PDE4B: variants seen among roughly 807,000 people sequenced by gnomAD.
PDE4B encodes the protein 3',5'-cyclic-AMP phosphodiesterase 4B.
A neutral mutation model predicts 82.2 loss-of-function variants in PDE4B; 20 were observed. That is an observed-to-expected ratio of 0.24 (90% CI 0.17 to 0.35). The LOEUF (loss-of-function observed/expected upper bound fraction) is 0.35, where lower values mean the gene tolerates loss of function less well. Among genes scored for constraint, PDE4B ranks in the 10% least tolerant of loss-of-function variants. PDE4B has a pLI of 1.00. For missense variants in PDE4B, 655 were observed against 907.2 expected (o/e 0.72, Z 3.57); for synonymous variants, 320 against 318.9 (o/e 1.00, Z -0.04).
rs779371206 is a variant in PDE4B at position 66,363,191 on chromosome 1, G to A, written c.1044G>A (p.Trp348Ter). Residue 348 changes from tryptophan (W) to a stop codon, truncating the protein, a stop_gained, in exon 11 of 17, where the codon TGG (tryptophan) becomes TGA (stop). Transcript: ENST00000341517. LOFTEE classifies it high-confidence loss of function. ...AGGAGCTGGAAGACCTGAACAAATG[G>A]GGTCTTAACATCTTTAATGTGGCTG... is the stretch of plus-strand genomic sequence containing the variant. ...LAKELEDLNK[W>*]GLNIFNVAGY... The A allele has an allele frequency of 6.2e-7, 1 of 1,610,838 alleles. No individual in the cohort carries two copies. The highest frequency in any genetic ancestry group is 8.5e-7 in the Non-Finnish European group (1 of 1,177,408).
At chr1:66,087,869 G>GA (rs1657095223) in intron 3 of PDE4B, among the ~76,000 whole-genome samples, 1 of 120,090 alleles carries the variant, frequency 8.3e-6, no homozygotes, top group Non-Finnish European at 1.7e-5. Flanking sequence ...GGACTGTTGT[G>GA]GGGTGGGGGG....
At chr1:66,235,999 T>C (rs1652404092) in intron 3 of PDE4B, among the ~76,000 whole-genome samples, 2 of 152,258 alleles carry the variant, frequency 1.3e-5, no homozygotes. Flanking sequence ...AGCTCAGCTA[T>C]TTGTTACATA....
intron 7 of PDE4B, among the ~76,000 whole-genome samples, chr1:66,330,163 A>G (rs1660005188): frequency 6.6e-6 from 1 of 152,250 alleles, no homozygotes; most frequent in Non-Finnish European, 1.5e-5. Flanking sequence ...GTGATACTCT[A>G]GCCTAACTAA....
intron 3 of PDE4B, among the ~76,000 whole-genome samples, chr1:66,126,097 C>A (rs992822912): frequency 1.3e-5 from 2 of 152,168 alleles, no homozygotes; most frequent in African/African-American, 4.8e-5. Flanking sequence ...TGAGCCACTG[C>A]GCCCACCCAA....
At position 66,267,615 on chromosome 1, in the gene PDE4B, C is replaced by G. The variant is rs1466583180; in HGVS notation, c.634+1528C>G. ...TGGCACAGCAACTACAGCTTGACAA[C>G]TAGGGATTCTTTTGATAAAGTCTTC... On this transcript the variant is annotated intron_variant, in intron 7 of 16. Transcript: ENST00000341517. 2.0e-5 allele frequency: 3 copies of G among 152,092 alleles called. 1 individual carries two copies. Among genetic ancestry groups the G allele is most frequent in the African/African-American group, 4.8e-5 (2 of 41,418 alleles). 9.4% of individuals were successfully genotyped at this position (152,092 alleles called of 1,614,324 possible). A position where few individuals can be genotyped will look rare whatever the true frequency, so the allele number is the denominator to read the frequency against.
At chr1:66,354,485 T>G in intron 8 of PDE4B, 1 of 1,027,508 alleles carries the variant, frequency 9.7e-7, no homozygotes, top group Non-Finnish European at 1.2e-6. Flanking sequence ...TGAGTAGGAC[T>G]AATGTAGAAG....
intron 1 of PDE4B, among the ~76,000 whole-genome samples, chr1:65,840,058 A>C (rs1646189314): frequency 6.6e-6 from 1 of 152,198 alleles, no homozygotes; most frequent in Non-Finnish European, 1.5e-5. Flanking sequence ...TAGTATGTGT[A>C]AATTGCACCA....
intron 3 of PDE4B, among the ~76,000 whole-genome samples, chr1:65,958,255 T>A (rs1281557378): frequency 2.0e-5 from 3 of 152,098 alleles, no homozygotes; most frequent in African/African-American, 7.2e-5. Flanking sequence ...TTTTAAAAAA[T>A]TTATTGATAT....
chr1:66,013,488 G>T (rs1425258251), intron 3 of PDE4B, among the ~76,000 whole-genome samples: 1 of 151,900 alleles, frequency 6.6e-6, no homozygotes, highest in Non-Finnish European at 1.5e-5. Context: ...TTTAAGTGTG[G>T]TGAAACACAA....
chr1:65,933,363 A>T (rs1266613943), intron 3 of PDE4B, among the ~76,000 whole-genome samples: 2 of 152,068 alleles, frequency 1.3e-5, no homozygotes, highest in Non-Finnish European at 1.5e-5. Flanking sequence ...GGCATGCCAA[A>T]ATTCTCCTTC....
At chr1:66,068,132 G>A (rs760846412) in intron 3 of PDE4B, among the ~76,000 whole-genome samples, 9 of 150,538 alleles carry the variant, frequency 6.0e-5, no homozygotes, top group Non-Finnish European at 1.0e-4. Context: ...GCAACTAAAC[G>A]TCAGTGCCTT....
chr1:66,334,870 G>A (rs1660392089), intron 8 of PDE4B, among the ~76,000 whole-genome samples: 1 of 152,188 alleles, frequency 6.6e-6, no homozygotes, highest in Non-Finnish European at 1.5e-5. Context: ...ACTTTGGGAG[G>A]TCGAGGCAGC....
In PDE4B at chr1:65,792,957, C is replaced by T. The variant is rs1645588155; in HGVS notation, c.-362C>T. Among the ~76,000 whole-genome samples, 1 of 151,814 alleles carries T rather than the reference C, an allele frequency of 6.6e-6. No individual in the cohort carries two copies. Among genetic ancestry groups the T allele is most frequent in the South Asian group, 2.1e-4 (1 of 4,828 alleles). On this transcript the variant is annotated 5_prime_UTR_variant, in exon 1 of 17. Coordinates refer to ENST00000341517, the MANE Select transcript of PDE4B (RefSeq NM_002600.4). Reference sequence around the variant, plus strand: ...GCCTGTGTCTCCCTGGCGCGGGTTCCCCAGGCTAGCCCGCTGGCCCGTCCG... The same window carrying T: ...GCCTGTGTCTCCCTGGCGCGGGTTCTCCAGGCTAGCCCGCTGGCCCGTCCG...
intron 3 of PDE4B, among the ~76,000 whole-genome samples, chr1:66,168,482 A>G (rs1305642586): frequency 6.6e-6 from 1 of 152,178 alleles, no homozygotes; most frequent in East Asian, 1.9e-4. Flanking sequence ...AGAGCACATG[A>G]GGCAGAGAGA....
chr1:65,796,392 C>T (rs941633276), intron 1 of PDE4B, among the ~76,000 whole-genome samples: 9 of 144,724 alleles, frequency 6.2e-5, no homozygotes, highest in Admixed American at 2.7e-4. Flanking sequence ...TACAAGACCC[C>T]GAGGCTTGGT....
intron 1 of PDE4B, among the ~76,000 whole-genome samples, chr1:65,895,206 C>T (rs1403061212): frequency 1.3e-5 from 2 of 152,048 alleles, no homozygotes; most frequent in Non-Finnish European, 2.9e-5. Context: ...CATTACTCAG[C>T]TTAAAGTAGG....
intron 3 of PDE4B, among the ~76,000 whole-genome samples, chr1:66,183,531 T>G (rs560560487): frequency 6.6e-6 from 1 of 152,302 alleles, no homozygotes; most frequent in East Asian, 1.9e-4. Context: ...TTTCATTTCT[T>G]ATTTATCCGA....
chr1:65,818,332 T>G (rs1348833612), intron 1 of PDE4B, among the ~76,000 whole-genome samples: 1 of 152,208 alleles, frequency 6.6e-6, no homozygotes, highest in African/African-American at 2.4e-5. Flanking sequence ...ATTAAATTAC[T>G]TGTAATTTTC....
intron 3 of PDE4B, among the ~76,000 whole-genome samples, chr1:66,239,468 A>G (rs914868176): frequency 6.6e-5 from 10 of 152,240 alleles, no homozygotes; most frequent in African/African-American, 2.4e-4. Context: ...TTAGTAGATA[A>G]AAGTTTGAAA....
Sources: allele counts gnomAD v4.1 joint callset (sites outside exome capture counted in the v4.1 genomes callset), GRCh38; gene constraint gnomAD v4.1.1; transcripts MANE v1.5; gene names NCBI Gene and HGNC (gene_info 2026-07-23, HGNC 2026-07-21).